MPDZ: variants seen among roughly 807,000 people sequenced by gnomAD.
MPDZ encodes the protein multiple PDZ domain protein.
MPDZ carries 234 observed loss-of-function variants against 239.1 expected under a neutral mutation model. That is an observed-to-expected ratio of 0.98 (90% CI 0.88 to 1.09). The LOEUF is 1.09. Ranked by LOEUF, MPDZ falls within the 50% of genes least tolerant of loss-of-function variation. MPDZ has a pLI of 0.00. For missense variants in MPDZ, 3,175 were observed against 2,510.0 expected (o/e 1.26, Z -5.66); for synonymous variants, 1,048 against 881.3 (o/e 1.19, Z -3.35).
Position 13,190,310 on chromosome 9 carries a change from T to A in MPDZ, c.1969-11A>T. The stretch of plus-strand genomic sequence containing the variant: ...TAGATCTACGTGAGGCTGGATAATA[T>A]CAGACAGCTCTTATTTCAGAGGCAT... On this transcript the variant is annotated splice_polypyrimidine_tract_variant and intron_variant, in intron 15 of 46. Transcript: ENST00000319217. 2 of 1,517,700 alleles carry A rather than the reference T, an allele frequency of 1.3e-6. No individual in the cohort carries two copies. Among genetic ancestry groups the A allele is most frequent in the Non-Finnish European group, 1.8e-6 (2 of 1,134,210 alleles). The allele number at this position is 1,517,700 out of a possible 1,614,324, so 94.0% of individuals were successfully genotyped here. A position where few individuals can be genotyped will look rare whatever the true frequency, so the allele number is the denominator to read the frequency against.
At chr9:13,260,329 G>A (rs906854295) in intron 1 of MPDZ, among the ~76,000 whole-genome samples, 1 of 152,120 alleles carries the variant, frequency 6.6e-6, no homozygotes, top group African/African-American at 2.4e-5. Flanking sequence ...ATTAAGATTA[G>A]TTAAGAGATG....
chr9:13,203,112 T>C (rs1316195602), intron 12 of MPDZ, among the ~76,000 whole-genome samples: 1 of 152,190 alleles, frequency 6.6e-6, no homozygotes, highest in African/African-American at 2.4e-5. Flanking sequence ...TATACATGTA[T>C]GGAAATATCA....
At chr9:13,197,586 CATTT>C (rs1955810431) in intron 12 of MPDZ, among the ~76,000 whole-genome samples, 2 of 151,992 alleles carry the variant, frequency 1.3e-5, no homozygotes, top group South Asian at 4.1e-4. Context: ...TTCCCTTAAA[CATTT>C]ATTATATTTT....
chr9:13,159,998 C>A (rs1950271836), intron 23 of MPDZ, among the ~76,000 whole-genome samples: 1 of 152,130 alleles, frequency 6.6e-6, no homozygotes, highest in Non-Finnish European at 1.5e-5. Flanking sequence ...CTCTTTATAT[C>A]TGCAAATATG....
intron 34 of MPDZ, 22 bp from the exon 35 acceptor site, chr9:13,125,412 A>G (rs1944970202): frequency 1.4e-5 from 22 of 1,601,158 alleles, no homozygotes; most frequent in Non-Finnish European, 1.9e-5. Context: ...TATGTGTGGA[A>G]GAGAAACAAA....
chr9:13,263,750 G>A (rs953569748), intron 1 of MPDZ, among the ~76,000 whole-genome samples: 1 of 152,092 alleles, frequency 6.6e-6, no homozygotes, highest in Admixed American at 6.5e-5. Flanking sequence ...AACTATTGCT[G>A]TTTTACTTTG....
intron 31 of MPDZ, chr9:13,135,850 GA>G (rs1946660626): frequency 3.1e-6 from 1 of 325,686 alleles, no homozygotes; most frequent in South Asian, 1.1e-4. Flanking sequence ...TTCAGAGGCA[GA>G]ACTGATAACT....
chr9:13,153,165 G>C (rs1949411178), intron 24 of MPDZ, among the ~76,000 whole-genome samples: 1 of 152,160 alleles, frequency 6.6e-6, no homozygotes, highest in Non-Finnish European at 1.5e-5. Flanking sequence ...GAAGAGGCTG[G>C]GAATGAAAGA....
chr9:13,211,415 G>C (rs1247045566), intron 10 of MPDZ, among the ~76,000 whole-genome samples: 1 of 152,046 alleles, frequency 6.6e-6, no homozygotes, highest in Non-Finnish European at 1.5e-5. Context: ...GGTTCTCAGA[G>C]ACAAAAAGTT....
chr9:13,154,982 G>A (rs1344561010), intron 24 of MPDZ, among the ~76,000 whole-genome samples: 1 of 152,166 alleles, frequency 6.6e-6, no homozygotes, highest in Non-Finnish European at 1.5e-5. Flanking sequence ...ACTTTGGGAA[G>A]CCAAGGCAGG....
At chr9:13,242,205 T>C (rs1367172670) in intron 3 of MPDZ, among the ~76,000 whole-genome samples, 1 of 150,546 alleles carries the variant, frequency 6.6e-6, no homozygotes, top group East Asian at 2.0e-4. Context: ...CTTAATTTTA[T>C]GTTAGGATGC....
chr9:13,247,915 G>C, intron 2 of MPDZ, 114 bp from the exon 3 acceptor site: 1 of 1,037,394 alleles, frequency 9.6e-7, no homozygotes, highest in East Asian at 2.4e-5. Context: ...GCATAAAATT[G>C]TCTCTTTTAA....
intron 19 of MPDZ, among the ~76,000 whole-genome samples, chr9:13,181,246 C>T (rs571994369): frequency 3.5e-4 from 53 of 152,152 alleles, no homozygotes; most frequent in Middle Eastern, 6.8e-3. Context: ...ATATACTATA[C>T]GGTATTACTT....
chr9:13,259,390 A>C (rs1259328113), intron 1 of MPDZ, among the ~76,000 whole-genome samples: 8 of 152,190 alleles, frequency 5.3e-5, no homozygotes, highest in Non-Finnish European at 8.8e-5. Context: ...GTAGAAAAGG[A>C]CTCAAATTCT....
chr9:13,209,857 C>T (rs1957411184), intron 10 of MPDZ, among the ~76,000 whole-genome samples: 1 of 151,772 alleles, frequency 6.6e-6, no homozygotes, highest in Non-Finnish European at 1.5e-5. Context: ...TCCCATAGCT[C>T]AGAGGAAAAG....
chr9:13,191,066 A>G (rs533018965), intron 15 of MPDZ, among the ~76,000 whole-genome samples: 1 of 152,280 alleles, frequency 6.6e-6, no homozygotes, highest in East Asian at 1.9e-4. Flanking sequence ...AGTTTGTAGA[A>G]TATCTTTGCT....
intron 1 of MPDZ, among the ~76,000 whole-genome samples, chr9:13,250,578 A>G (rs1203078050): frequency 3.3e-5 from 5 of 152,218 alleles, no homozygotes; most frequent in African/African-American, 2.4e-5. Context: ...ATTTACCCAT[A>G]ATACTTGCAT....
chr9:13,149,891 G>A (rs868015824), intron 25 of MPDZ, among the ~76,000 whole-genome samples: 1 of 151,814 alleles, frequency 6.6e-6, no homozygotes, highest in African/African-American at 2.4e-5. Context: ...GAAAAGGAGC[G>A]AGATCCTGGC....
chr9:13,175,964 T>C, intron 20 of MPDZ, 89 bp from the exon 21 acceptor site: 1 of 1,472,686 alleles, frequency 6.8e-7, no homozygotes, highest in Non-Finnish European at 9.0e-7. Context: ...GTTCTCTAAT[T>C]GATTGTGCTT....
Sources: allele counts gnomAD v4.1 joint callset (sites outside exome capture counted in the v4.1 genomes callset), GRCh38; gene constraint gnomAD v4.1.1; transcripts MANE v1.5; gene names NCBI Gene and HGNC (gene_info 2026-07-23, HGNC 2026-07-21).